Variants in ABCA13 observed in about 807,000 individuals in gnomAD.
The protein encoded by ABCA13 is ATP binding cassette subfamily A member 13, also known as ATP-binding cassette sub-family A member 13.
A neutral mutation model predicts 478.7 loss-of-function variants in ABCA13; 476 were observed. The observed-to-expected ratio is 0.99, with a 90% CI of 0.92 to 1.07. ABCA13 has a LOEUF of 1.07. Ranked by LOEUF, ABCA13 falls within the 50% of genes least tolerant of loss-of-function variation. The probability of loss-of-function intolerance (pLI) is 0.00; values close to 1 mark genes in which losing one functional copy is unlikely to be tolerated. For missense variants in ABCA13, 6,060 were observed against 5,910.6 expected, an observed-to-expected ratio of 1.03 and a Z score of -0.83; for synonymous variants, 2,252 against 2,158.9, an observed-to-expected ratio of 1.04 and a Z score of -1.20.
At chr7:48,611,509 T>C (rs1792022007) in intron 58 of ABCA13, among the ~76,000 whole-genome samples, 2 of 152,080 alleles carry the variant, frequency 1.3e-5, no homozygotes, top group Non-Finnish European at 2.9e-5. Flanking sequence ...ACAGGAAGCA[T>C]GGCTAGGGAG....
At chr7:48,467,581 C>T (rs1827023279) in intron 44 of ABCA13, among the ~76,000 whole-genome samples, 1 of 152,108 alleles carries the variant, frequency 6.6e-6, no homozygotes, top group Non-Finnish European at 1.5e-5. Context: ...TCTTTATAAA[C>T]ACTTATTTCC....
chr7:48,636,634 G>A (rs12718290), intron 59 of ABCA13, among the ~76,000 whole-genome samples: 7,529 of 152,168 alleles, frequency 0.049, 251 homozygotes, highest in South Asian at 0.093. Context: ...TATCACCCCC[G>A]CCACCATACA....
At chr7:48,644,546 T>A in intron 60 of ABCA13, 71 bp from the exon 61 acceptor site, 4 of 1,479,994 alleles carry the variant, frequency 2.7e-6, no homozygotes, top group Non-Finnish European at 3.6e-6. Flanking sequence ...GCCAATTAAA[T>A]GTAGTATGAT....
intron 55 of ABCA13, among the ~76,000 whole-genome samples, chr7:48,548,687 C>G (rs1261337042): frequency 6.6e-6 from 1 of 151,686 alleles, no homozygotes; most frequent in African/African-American, 2.4e-5. Flanking sequence ...AGCTCCCTAG[C>G]GCTTCATGGG....
At chr7:48,293,204 C>CCCCCCCCCCAA (rs1554419805) in intron 20 of ABCA13, among the ~76,000 whole-genome samples, 2 of 131,524 alleles carry the variant, frequency 1.5e-5, no homozygotes, top group Non-Finnish European at 3.3e-5. Context: ...CCCCCCCCCG[C>CCCCCCCCCCAA]CACACACACA....
intron 2 of ABCA13, among the ~76,000 whole-genome samples, chr7:48,195,603 C>T (rs1797818595): frequency 6.6e-6 from 1 of 152,116 alleles, no homozygotes; most frequent in African/African-American, 2.4e-5. Flanking sequence ...CTCAGCATGA[C>T]CATCCTGAAT....
At chr7:48,523,868 C>T (rs1353739010) in intron 53 of ABCA13, among the ~76,000 whole-genome samples, 1 of 152,088 alleles carries the variant, frequency 6.6e-6, no homozygotes, top group East Asian at 1.9e-4. Context: ...ATACAATCTA[C>T]ATTATTAAAT....
chr7:48,387,421 T>C (rs1461788229), intron 35 of ABCA13, among the ~76,000 whole-genome samples: 2 of 152,214 alleles, frequency 1.3e-5, no homozygotes, highest in Non-Finnish European at 2.9e-5. Context: ...TACCTCATGC[T>C]CTTCCTCTTG....
At chr7:48,624,292 C>T (rs1420972109) in intron 59 of ABCA13, among the ~76,000 whole-genome samples, 1 of 152,162 alleles carries the variant, frequency 6.6e-6, no homozygotes. Context: ...CTTGCAGACA[C>T]TGAGCATATT....
intron 44 of ABCA13, among the ~76,000 whole-genome samples, chr7:48,468,336 C>G (rs547596486): frequency 6.6e-6 from 1 of 152,232 alleles, no homozygotes; most frequent in African/African-American, 2.4e-5. Flanking sequence ...GCCTGCAGAT[C>G]AGCCTCATAG....
chr7:48,246,060 AG>A (rs1359756762), intron 13 of ABCA13, 30 bp downstream of exon 13: 24 of 1,588,146 alleles, frequency 1.5e-5, no homozygotes, highest in Non-Finnish European at 2.0e-5. Flanking sequence ...AGCTCTTCTA[AG>A]GGCACAAATT....
intron 55 of ABCA13, among the ~76,000 whole-genome samples, chr7:48,569,551 G>A (rs1324013989): frequency 6.6e-6 from 1 of 152,036 alleles, no homozygotes; most frequent in East Asian, 1.9e-4. Flanking sequence ...TTTTGATGGA[G>A]TGTTGCTCTT....
chr7:48,284,326 T>A (rs1037317020), intron 19 of ABCA13, among the ~76,000 whole-genome samples: 1 of 152,040 alleles, frequency 6.6e-6, no homozygotes, highest in South Asian at 2.1e-4. Context: ...TTTTGCATGT[T>A]TTTTTTTCTT....
chr7:48,466,986 T>G lies in ABCA13; in HGVS notation c.12846T>G (p.Arg4282=). Residue 4282 remains arginine, a synonymous_variant, in exon 44 of 62, where the codon CGT becomes CGG. Coordinates refer to ENST00000435803, the MANE Select transcript of ABCA13 (RefSeq NM_152701.5). Reference sequence around the variant, plus strand: ...GGGGCGACAACTTGGACCTCACCCGTGTGCTTCTGCGGAAGTTTAGAGATC... The same window carrying G: ...GGGGCGACAACTTGGACCTCACCCGGGTGCTTCTGCGGAAGTTTAGAGATC... The part of the protein sequence containing the change: ...SSGGDNLDLT[R]VLLRKFRDQD... 1 of 1,613,976 alleles carries G rather than the reference T, an allele frequency of 6.2e-7. No homozygotes were observed. The highest frequency in any genetic ancestry group is 8.5e-7 in the Non-Finnish European group (1 of 1,179,888).
chr7:48,445,528 C>A (rs1053330251), intron 42 of ABCA13, among the ~76,000 whole-genome samples: 2 of 152,056 alleles, frequency 1.3e-5, no homozygotes, highest in African/African-American at 4.8e-5. Context: ...AGCTCTTCTC[C>A]CTGCCTGGAA....
Position 48,633,244 on chromosome 7 carries a change from G to A in ABCA13, c.14838-10044G>A, listed in dbSNP as rs190866930. Among the ~76,000 whole-genome samples, 6 of 152,126 alleles carry A rather than the reference G, an allele frequency of 3.9e-5. No individual in the cohort carries two copies. The East Asian group carries it at 1.2e-3, about 29-fold the overall frequency. On this transcript the variant is annotated intron_variant, in intron 59 of 61. Transcript: ENST00000435803. ...ATAAAAAGATAAATAAACAAATATG[G>A]AATGACCAAAGGCACTCAAATTCAT...
chr7:48,451,891 A>C (rs889821653), intron 42 of ABCA13, among the ~76,000 whole-genome samples: 3 of 152,240 alleles, frequency 2.0e-5, no homozygotes, highest in Non-Finnish European at 4.4e-5. Flanking sequence ...ATGATTATGG[A>C]TGAAACTAGA....
chr7:48,183,269 G>A (rs1311734807), intron 1 of ABCA13, among the ~76,000 whole-genome samples: 2 of 152,020 alleles, frequency 1.3e-5, no homozygotes, highest in Admixed American at 6.6e-5. Context: ...TCCACATACC[G>A]CATGAGTCAC....
In ABCA13 at chr7:48,336,833, C is replaced by T. The variant is rs547987178; in HGVS notation, c.10113+1298C>T. 1.4e-4 allele frequency among the ~76,000 whole-genome samples: 21 copies of T among 152,362 alleles called. 1 individual carries two copies. The highest frequency in any genetic ancestry group is 1.2e-3 in the Admixed American group (19 of 15,306). ...TGGATTAATTTGTTAATACAGACAT[C>T]AGCAAACCTTTGCAGTTAATGGGAC... On this transcript the variant is annotated intron_variant, in intron 28 of 61. Transcript: ENST00000435803.
Sources: gnomAD v4.1 joint callset for allele counts (sites outside exome capture counted in the v4.1 genomes callset) on GRCh38, gnomAD v4.1.1 for gene constraint, MANE v1.5 for transcripts, NCBI Gene and HGNC (gene_info 2026-07-23, HGNC 2026-07-21) for gene names.